The following UNC5D variants were observed in gnomAD, a reference collection of about 807,000 sequenced individuals.
UNC5D encodes the protein netrin receptor UNC5D.
UNC5D carries 39 observed loss-of-function variants against 105.4 expected under a neutral mutation model. The observed-to-expected ratio is 0.37, with a 90% CI of 0.29 to 0.48. The LOEUF (loss-of-function observed/expected upper bound fraction) is 0.48. Ranked by LOEUF, UNC5D falls within the 20% of genes least tolerant of loss-of-function variation. The probability of loss-of-function intolerance (pLI) is 0.98; values close to 1 mark genes in which losing one functional copy is unlikely to be tolerated. For missense variants in UNC5D, 991 were observed against 1,202.4 expected, an observed-to-expected ratio of 0.82 and a Z score of 2.60; for synonymous variants, 452 against 450.4, an observed-to-expected ratio of 1.00 and a Z score of -0.04.
At chr8:35,623,896 C>T (rs572511478) in intron 4 of UNC5D, among the ~76,000 whole-genome samples, 511 of 152,056 alleles carry the variant, frequency 3.4e-3, no homozygotes, top group South Asian at 7.1e-3. Flanking sequence ...CTGGCTAACA[C>T]GGTGAAACCC....
chr8:35,480,670 G>A (rs1339704715), intron 1 of UNC5D, among the ~76,000 whole-genome samples: 1 of 152,078 alleles, frequency 6.6e-6, no homozygotes, highest in African/African-American at 2.4e-5. Context: ...ATGTTCTTTT[G>A]AGGCTTACAT....
At chr8:35,446,879 C>A (rs183821196) in intron 1 of UNC5D, among the ~76,000 whole-genome samples, 1 of 152,042 alleles carries the variant, frequency 6.6e-6, no homozygotes, top group East Asian at 1.9e-4. Context: ...TGAGGGAAGA[C>A]TGAAACTAAT....
intron 7 of UNC5D, among the ~76,000 whole-genome samples, chr8:35,705,086 TC>T (rs2131447128): frequency 6.8e-6 from 1 of 147,714 alleles, no homozygotes; most frequent in Non-Finnish European, 1.5e-5. Flanking sequence ...TGCCTCAGCC[TC>T]CCGCGTAGCT....
At chr8:35,732,323 C>T (rs1302576593) in intron 11 of UNC5D, among the ~76,000 whole-genome samples, 5 of 152,110 alleles carry the variant, frequency 3.3e-5, no homozygotes, top group African/African-American at 4.8e-5. Context: ...GAGGCTGGCT[C>T]TTAGGGGATT....
At chr8:35,614,161 C>T (rs1563593266) in intron 4 of UNC5D, among the ~76,000 whole-genome samples, 1 of 152,200 alleles carries the variant, frequency 6.6e-6, no homozygotes, top group Non-Finnish European at 1.5e-5. Flanking sequence ...GCGAGAAGCT[C>T]TTTACCCTTC....
At chr8:35,544,595 G>GT (rs775831187) in intron 1 of UNC5D, 83,580 of 557,770 alleles carry the variant, frequency 0.15, 256 homozygotes, top group Non-Finnish European at 0.16. Flanking sequence ...TTTCGTTTTC[G>GT]TTTTTTTTTT....
chr8:35,281,374 G>A, intron 1 of UNC5D, among the ~76,000 whole-genome samples: 1 of 151,626 alleles, frequency 6.6e-6, no homozygotes, highest in South Asian at 2.1e-4. Flanking sequence ...AGTGGTCTTT[G>A]CACCAAATGA....
At chr8:35,492,385 T>G (rs1811269322) in intron 1 of UNC5D, among the ~76,000 whole-genome samples, 1 of 151,994 alleles carries the variant, frequency 6.6e-6, no homozygotes, top group African/African-American at 2.4e-5. Flanking sequence ...AGAAGGAAAA[T>G]ATATAAAGAG....
chr8:35,304,810 C>T, intron 1 of UNC5D, among the ~76,000 whole-genome samples: 1 of 152,102 alleles, frequency 6.6e-6, no homozygotes, highest in Non-Finnish European at 1.5e-5. Flanking sequence ...ACTGTGTCTG[C>T]AGCATAATTA....
intron 1 of UNC5D, among the ~76,000 whole-genome samples, chr8:35,244,402 G>A (rs2128803968): frequency 6.6e-6 from 1 of 152,242 alleles, no homozygotes; most frequent in Non-Finnish European, 1.5e-5. Context: ...ATAAGCATCG[G>A]AGACAGAAAG....
At chr8:35,312,580 A>G (rs1306200170) in intron 1 of UNC5D, among the ~76,000 whole-genome samples, 1 of 152,224 alleles carries the variant, frequency 6.6e-6, no homozygotes, top group Non-Finnish European at 1.5e-5. Flanking sequence ...TGAAGGCAGT[A>G]AGGATGGGCT....
chr8:35,444,707 C>T (rs1056831310), intron 1 of UNC5D, among the ~76,000 whole-genome samples: 1 of 151,902 alleles, frequency 6.6e-6, no homozygotes, highest in Non-Finnish European at 1.5e-5. Context: ...CACTGTCCAC[C>T]CTGAATTGAA....
At chr8:35,293,997 T>C (rs552748408) in intron 1 of UNC5D, among the ~76,000 whole-genome samples, 193 of 152,288 alleles carry the variant, frequency 1.3e-3, no homozygotes, top group Middle Eastern at 0.01. Flanking sequence ...AAAAGAACTT[T>C]AAAAGACAGT....
chr8:35,669,295 TTTTCTC>T (rs1824620487), intron 4 of UNC5D, among the ~76,000 whole-genome samples: 1 of 152,100 alleles, frequency 6.6e-6, no homozygotes, highest in African/African-American at 2.4e-5. Context: ...TGTTCTCTCT[TTTTCTC>T]TTTCTTCATT....
intron 1 of UNC5D, among the ~76,000 whole-genome samples, chr8:35,472,893 G>A (rs1230542692): frequency 2.0e-5 from 3 of 152,124 alleles, no homozygotes; most frequent in African/African-American, 7.2e-5. Context: ...GGATGAAAGC[G>A]TTTCATCCAA....
At chr8:35,562,819 T>TA (rs752618792) in intron 2 of UNC5D, among the ~76,000 whole-genome samples, 1 of 152,082 alleles carries the variant, frequency 6.6e-6, no homozygotes, top group Non-Finnish European at 1.5e-5. Flanking sequence ...GATGTAATCC[T>TA]ATTTGTCTAT....
At chr8:35,320,771 A>G (rs1419938246) in intron 1 of UNC5D, among the ~76,000 whole-genome samples, 1 of 152,110 alleles carries the variant, frequency 6.6e-6, no homozygotes, top group Non-Finnish European at 1.5e-5. Flanking sequence ...ACCCACTTCC[A>G]ATCATGGCCT....
At chr8:35,328,300 A>G (rs948562027) in intron 1 of UNC5D, among the ~76,000 whole-genome samples, 6 of 152,132 alleles carry the variant, frequency 3.9e-5, no homozygotes, top group African/African-American at 9.7e-5. Flanking sequence ...CACAGTTGGT[A>G]TTGCTAAAAT....
intron 10 of UNC5D, 22 bp from the exon 11 acceptor site, chr8:35,730,970 TGGAAAAATCTATGAATAACC>T: frequency 1.3e-6 from 2 of 1,594,356 alleles, no homozygotes; most frequent in Non-Finnish European, 1.7e-6. Context: ...TCATGATAAT[TGGAAAAATCTATGAATAACC>T]TGTTGGCTTT....
Sources: gnomAD v4.1 joint callset for allele counts (sites outside exome capture counted in the v4.1 genomes callset) on GRCh38, gnomAD v4.1.1 for gene constraint, MANE v1.5 for transcripts, NCBI Gene and HGNC (gene_info 2026-07-23, HGNC 2026-07-21) for gene names.